UHRF1: variants seen among roughly 807,000 people sequenced by gnomAD.
UHRF1 encodes E3 ubiquitin-protein ligase UHRF1.
Under a neutral mutation model 96.5 loss-of-function variants are expected in UHRF1, and 9 were observed. The ratio of observed to expected loss-of-function variants is 0.09; its 90% CI spans 0.06 to 0.16. UHRF1 has a LOEUF of 0.16. Ranked by LOEUF, UHRF1 falls within the 10% of genes least tolerant of loss-of-function variation. The pLI, the probability that UHRF1 is intolerant of heterozygous loss-of-function variation, is 1.00. For missense variants in UHRF1, 626 were observed against 1,131.1 expected (o/e 0.55, Z 6.40); for synonymous variants, 455 against 469.9 (o/e 0.97, Z 0.41).
At chr19:4,920,486 T>C (rs913913693) in intron 2 of UHRF1, among the ~76,000 whole-genome samples, 5 of 152,122 alleles carry the variant, frequency 3.3e-5, no homozygotes, top group Non-Finnish European at 5.9e-5. Flanking sequence ...GCAGTAGTCA[T>C]CTGCTGTGTC....
chr19:4,949,506 T>A (rs933783688), intron 11 of UHRF1, among the ~76,000 whole-genome samples: 2 of 123,950 alleles, frequency 1.6e-5, no homozygotes, highest in South Asian at 2.6e-4. Context: ...ACACACACAC[T>A]CTCACAAAGT....
chr19:4,953,426 T>A (rs2033771096), intron 13 of UHRF1, among the ~76,000 whole-genome samples: 1 of 152,180 alleles, frequency 6.6e-6, no homozygotes, highest in South Asian at 2.1e-4. Context: ...CTCTTTAGCA[T>A]TTCCAAATTG....
rs1057132340 is a variant in UHRF1, at chr19:4,954,669, C to T, written c.1977C>T (p.Ala659=). 1,593 of 1,612,734 alleles carry T rather than the reference C, an allele frequency of 9.9e-4. No individual in the cohort carries two copies. Among genetic ancestry groups the T allele is most frequent in the Non-Finnish European group, 1.1e-3 (1,345 of 1,179,366 alleles). The stretch of plus-strand genomic sequence containing the variant: ...TTCCAGGAGGTGGCCCGAGCAGGGC[C>T]GGGTCCCCGCGCCGGACATCCAAGA... ...RKSAGGGPSR[A]GSPRRTSKKT... is the part of the protein sequence containing the mutation. Residue 659 remains alanine (A), a synonymous_variant, in exon 15 of 17, where the codon GCC becomes GCT. Coordinates refer to ENST00000650932, the MANE Select transcript of UHRF1 (RefSeq NM_001048201.3). This position sits in a 1 kb window ranked among gnomAD's most constrained non-coding sequence, Gnocchi z 5.9.
At chr19:4,957,302 T>G (rs1003072021) in intron 16 of UHRF1, among the ~76,000 whole-genome samples, 10 of 130,894 alleles carry the variant, frequency 7.6e-5, no homozygotes, top group South Asian at 2.7e-4. Context: ...TGATGGTTTT[T>G]TTTTTTTTTT....
intron 2 of UHRF1, among the ~76,000 whole-genome samples, chr19:4,917,770 A>C (rs2032572589): frequency 6.6e-6 from 1 of 150,570 alleles, no homozygotes; most frequent in Non-Finnish European, 1.5e-5. Context: ...CAATCCTCCT[A>C]CTTCAGCCTC....
intron 2 of UHRF1, among the ~76,000 whole-genome samples, chr19:4,927,087 CA>C (rs888841125): frequency 2.0e-5 from 3 of 148,310 alleles, no homozygotes; most frequent in African/African-American, 4.9e-5. Context: ...CAAAACAAAA[CA>C]AAAAAAAACA....
chr19:4,951,696 CAAAAAAAA>C (rs771845391), intron 13 of UHRF1, among the ~76,000 whole-genome samples: 1 of 83,362 alleles, frequency 1.2e-5, no homozygotes, highest in Admixed American at 1.3e-4. Flanking sequence ...TGGCTCATCA[CAAAAAAAA>C]AAAAAAAAAA....
intron 3 of UHRF1, 86 bp downstream of exon 3, chr19:4,929,562 CT>C (rs1374368698): frequency 6.6e-7 from 1 of 1,521,652 alleles, no homozygotes; most frequent in African/African-American, 1.4e-5. Context: ...ACAGGAGGGG[CT>C]TCCCACGCGC....
chr19:4,929,797 TTTTTA>T (rs1158961839), intron 3 of UHRF1, among the ~76,000 whole-genome samples: 2 of 151,848 alleles, frequency 1.3e-5, no homozygotes, highest in African/African-American at 4.8e-5. Flanking sequence ...GTTTCCAGCT[TTTTTA>T]TTTTTTTATT....
In UHRF1 at chr19:4,937,695, A is replaced by C. The variant is rs189321544; in HGVS notation, c.786-3833A>C. ...GGATTTATTTGAGTAAGTTAATAAG[A>C]AACAGTGGTCTGCAATTCTCTTGTT... is the stretch of plus-strand genomic sequence containing the variant. On this transcript the variant is annotated intron_variant, in intron 5 of 16. Coordinates refer to ENST00000650932, the MANE Select transcript of UHRF1 (RefSeq NM_001048201.3). Among the ~76,000 whole-genome samples, 12 of 152,266 alleles carry C rather than the reference A, an allele frequency of 7.9e-5. No homozygotes were observed. The East Asian group carries it at 2.3e-3, about 29-fold the overall frequency.
rs1226178933 is a variant in UHRF1, at chr19:4,951,053, G to A, written c.1818+57G>A. 15 of 1,499,148 alleles carry A rather than the reference G, an allele frequency of 1.0e-5. No homozygotes were observed. In the South Asian group the frequency reaches 1.4e-4, roughly 14 times the overall value. The allele number at this position is 1,499,148 out of a possible 1,614,324, so 92.9% of individuals were successfully genotyped here. A position where few individuals can be genotyped will look rare whatever the true frequency, so the allele number is the denominator to read the frequency against. On this transcript the variant is annotated intron_variant, in intron 13 of 16. Coordinates refer to ENST00000650932, the MANE Select transcript of UHRF1 (RefSeq NM_001048201.3). The stretch of plus-strand genomic sequence containing the variant: ...AGGCCAAGGCGGATGGATCACTTAC[G>A]TTAGGAGTTCAAGACCAGCCTGGCC...
At chr19:4,933,474 A>G (rs1260640896) in intron 5 of UHRF1, among the ~76,000 whole-genome samples, 1 of 152,106 alleles carries the variant, frequency 6.6e-6, no homozygotes, top group Non-Finnish European at 1.5e-5. Flanking sequence ...TCGGCCTCCC[A>G]AAGTGCTGGG....
chr19:4,931,452 TTTTTA>T (rs1428159149), intron 4 of UHRF1, among the ~76,000 whole-genome samples: 2 of 151,650 alleles, frequency 1.3e-5, no homozygotes, highest in East Asian at 1.9e-4. Flanking sequence ...AATGTTTGTA[TTTTTA>T]TTTTATTTTA....
intron 13 of UHRF1, among the ~76,000 whole-genome samples, chr19:4,953,748 A>C (rs990209159): frequency 2.0e-5 from 3 of 152,176 alleles, no homozygotes; most frequent in Middle Eastern, 3.2e-3. Flanking sequence ...TTATTTAATA[A>C]AAATTAGAAT....
chr19:4,950,455 G>T (rs938329612), intron 11 of UHRF1, among the ~76,000 whole-genome samples, 156 bp from the exon 12 acceptor site: 2 of 152,054 alleles, frequency 1.3e-5, no homozygotes, highest in African/African-American at 4.8e-5. Flanking sequence ...TGTTGGCCAG[G>T]CTGGTCTCGA....
chr19:4,944,094 C>T (rs1398798916), intron 7 of UHRF1, 38 bp from the exon 8 acceptor site: 13 of 1,610,080 alleles, frequency 8.1e-6, no homozygotes, highest in Non-Finnish European at 1.1e-5. Context: ...AGACATCTGC[C>T]AGGCTAGGCG....
rs536465926 is a variant in UHRF1 at position 4,936,145 on chromosome 19, G to A, written c.785+3189G>A. ...AAGGGAACAGGTGCTCGGTCCAGGC[G>A]GCCTTGGGGCAGACACTGTCCCTTG... On this transcript the variant is annotated intron_variant, in intron 5 of 16. Coordinates refer to ENST00000650932, the MANE Select transcript of UHRF1 (RefSeq NM_001048201.3). Among the ~76,000 whole-genome samples the A allele has an allele frequency of 3.1e-4, 47 of 152,244 alleles. No individual in the cohort carries two copies. In the East Asian group the frequency reaches 8.7e-3, roughly 28 times the overall value.
intron 2 of UHRF1, among the ~76,000 whole-genome samples, chr19:4,928,892 G>A (rs10420645): frequency 0.043 from 6,501 of 152,296 alleles, 481 homozygotes; most frequent in African/African-American, 0.15. Context: ...CACAAAAGCT[G>A]CCGTAAGCAC....
rs182358092 is a variant in UHRF1 at position 4,920,898 on chromosome 19, G to T, written c.154-8324G>T. Reference sequence around the variant, plus strand: ...CCCAGCACTTTGGGAGGCCAAGGCGGGTGGATCACGAGGTCAAGAGATCGA... The same window carrying T: ...CCCAGCACTTTGGGAGGCCAAGGCGTGTGGATCACGAGGTCAAGAGATCGA... On this transcript the variant is annotated intron_variant, in intron 2 of 16. Coordinates refer to ENST00000650932, the MANE Select transcript of UHRF1 (RefSeq NM_001048201.3). Among the ~76,000 whole-genome samples the T allele has an allele frequency of 2.3e-3, 343 of 152,296 alleles. 3 individuals carry two copies. Among genetic ancestry groups the T allele is most frequent in the African/African-American group, 7.5e-3 (311 of 41,560 alleles).
Sources: allele counts gnomAD v4.1 joint callset (sites outside exome capture counted in the v4.1 genomes callset), GRCh38; gene constraint gnomAD v4.1.1; non-coding constraint Gnocchi (gnomAD v3.1); transcripts MANE v1.5; gene names NCBI Gene and HGNC (gene_info 2026-07-23, HGNC 2026-07-21).